Variants in KDM1B observed in about 807,000 individuals in gnomAD.
The protein encoded by KDM1B is lysine demethylase 1B.
KDM1B carries 63 observed loss-of-function variants against 107.4 expected under a neutral mutation model. The observed-to-expected ratio is 0.59, with a 90% CI of 0.48 to 0.72. KDM1B has a LOEUF of 0.72. KDM1B is among the 30% of genes least tolerant of loss of function. The pLI is 0.00. For missense variants in KDM1B, 749 were observed against 1,020.8 expected (o/e 0.73, Z 3.63); for synonymous variants, 363 against 363.9 (o/e 1.00, Z 0.03).
rs942470 is a variant in KDM1B, at chr6:18,166,045, A to G, written c.306-222A>G. On this transcript the variant is annotated intron_variant, in intron 5 of 21. Transcript: ENST00000650836. Reference sequence around the variant, plus strand: ...AGAAAAAAATTTAATTTCTCTTTCAAATAACACTATGCCTTTCTTAGTTTT... The same window carrying G: ...AGAAAAAAATTTAATTTCTCTTTCAGATAACACTATGCCTTTCTTAGTTTT... Among the ~76,000 whole-genome samples, 50,152 of 151,956 alleles carry G rather than the reference A, an allele frequency of 0.33. 8,478 individuals are homozygous for G. The highest frequency in any genetic ancestry group is 0.52 in the East Asian group (2,696 of 5,158).
At chr6:18,168,938 C>A (rs999557945) in intron 6 of KDM1B, among the ~76,000 whole-genome samples, 1 of 152,060 alleles carries the variant, frequency 6.6e-6, no homozygotes, top group African/African-American at 2.4e-5. Flanking sequence ...GTGGTGCGAT[C>A]TTGGCTCGCT....
At chr6:18,161,781 C>T (rs1444637856) in intron 4 of KDM1B, among the ~76,000 whole-genome samples, 1 of 152,020 alleles carries the variant, frequency 6.6e-6, no homozygotes, top group African/African-American at 2.4e-5. Flanking sequence ...AACTCATGAG[C>T]TTTCTGTAGA....
rs150264355 is a variant in KDM1B at position 18,173,407 on chromosome 6, T to C, written c.534+1928T>C. 3.4e-3 allele frequency among the ~76,000 whole-genome samples: 517 copies of C among 152,350 alleles called. 4 individuals carry two copies. The highest frequency in any genetic ancestry group is 0.012 in the African/African-American group (486 of 41,592). On this transcript the variant is annotated intron_variant, in intron 7 of 21. Transcript: ENST00000650836. The stretch of plus-strand genomic sequence containing the variant: ...TTGATTTGTAGTTCTTTATGTAATC[T>C]GGATATAACCATGTATTTTGAATAT...
chr6:18,221,857 A>G (rs1486394978), intron 21 of KDM1B, 52 bp from the exon 22 acceptor site: 11 of 1,375,984 alleles, frequency 8.0e-6, no homozygotes, highest in Admixed American at 6.3e-5. Context: ...TTACCTTTTG[A>G]TATCAACTCA....
At chr6:18,207,665 T>TCGTA in intron 16 of KDM1B, 136 bp downstream of exon 16, 1 of 996,970 alleles carries the variant, frequency 1.0e-6, no homozygotes, top group Non-Finnish European at 1.5e-6. Context: ...TGTGGCTCAT[T>TCGTA]CGTAGCCTGT....
chr6:18,185,628 C>T (rs536022588), intron 7 of KDM1B, 144 bp from the exon 8 acceptor site: 2 of 751,212 alleles, frequency 2.7e-6, no homozygotes, highest in Admixed American at 2.1e-5. Context: ...GGCCTCCAGA[C>T]ACTCTGATTT....
chr6:18,200,339 T>TA lies in KDM1B; in HGVS notation c.1222-99dup. On this transcript the variant is annotated intron_variant, in intron 12 of 21. Coordinates refer to ENST00000650836, the MANE Select transcript of KDM1B (RefSeq NM_001364614.2). The surrounding 1 kb of genome is among the most constrained non-coding windows in gnomAD (Gnocchi z 4.3). ...TTAGAAATATTTGGAATTAACCAAA[T>TA]ATAGAGGCTATTTAACAGTGTCCTT... The TA allele has an allele frequency of 2.5e-6, 3 of 1,185,752 alleles. No individual in the cohort carries two copies. In the South Asian group the frequency reaches 5.1e-5, roughly 20 times the overall value. The allele number at this position is 1,185,752 out of a possible 1,614,324, so 73.5% of individuals were successfully genotyped here.
intron 6 of KDM1B, among the ~76,000 whole-genome samples, chr6:18,171,063 G>A (rs1023258582): frequency 4.6e-5 from 7 of 151,962 alleles, no homozygotes; most frequent in African/African-American, 7.3e-5. Context: ...CTCGTGATCC[G>A]CCCGCCTTGG....
At chr6:18,187,722 C>A in intron 8 of KDM1B, 70 bp from the exon 9 acceptor site, 2 of 1,036,802 alleles carry the variant, frequency 1.9e-6, no homozygotes, top group Non-Finnish European at 1.5e-6. Context: ...AACCCTCTGT[C>A]CCTGGCAGAA....
rs146855101 is a variant in KDM1B, at chr6:18,206,021, G to A, written c.1659+357G>A. ...TACTTGTTTTTGTGTATGTGTGTGTGTGTTTTGTGTGTCTAAATATTGAAT... is the reference window on the plus strand; with the variant it reads ...TACTTGTTTTTGTGTATGTGTGTGTATGTTTTGTGTGTCTAAATATTGAAT... On this transcript the variant is annotated intron_variant, in intron 15 of 21. Coordinates refer to ENST00000650836, the MANE Select transcript of KDM1B (RefSeq NM_001364614.2). 9.2e-5 allele frequency among the ~76,000 whole-genome samples: 14 copies of A among 152,146 alleles called. No individual in the cohort carries two copies. The East Asian group carries it at 2.7e-3, about 29-fold the overall frequency.
At chr6:18,208,104 C>CT in intron 16 of KDM1B, 28 bp from the exon 17 acceptor site, 6 of 1,580,070 alleles carry the variant, frequency 3.8e-6, no homozygotes, top group Non-Finnish European at 4.3e-6. Flanking sequence ...CCATCCCTCA[C>CT]TTTTTTTCAT....
chr6:18,184,832 C>T (rs9477655), intron 7 of KDM1B, among the ~76,000 whole-genome samples: 13,172 of 144,902 alleles, frequency 0.091, 1,824 homozygotes, highest in African/African-American at 0.3. Context: ...ACCTCCTGGG[C>T]TCAATCAGTC....
chr6:18,166,683 CA>C (rs1001603666), intron 6 of KDM1B, among the ~76,000 whole-genome samples: 1 of 150,532 alleles, frequency 6.6e-6, no homozygotes, highest in Non-Finnish European at 1.5e-5. Flanking sequence ...CCCATCTTTA[CA>C]AAAAAAAATT....
At position 18,205,710 on chromosome 6, in the gene KDM1B, T is replaced by G; in HGVS notation, c.1659+46T>G. The stretch of plus-strand genomic sequence containing the variant: ...AGGTGTGCTTTGAAAATACTTGGTT[T>G]AGGCCGGGCGCAGTGGCTCACGCCT... On this transcript the variant is annotated intron_variant, in intron 15 of 21. Transcript: ENST00000650836. This position sits in a 1 kb window ranked among gnomAD's most constrained non-coding sequence, Gnocchi z 5.7. The G allele has an allele frequency of 6.9e-7, 1 of 1,451,898 alleles. No individual in the cohort carries two copies. Among genetic ancestry groups the G allele is most frequent in the Non-Finnish European group, 9.1e-7 (1 of 1,102,684 alleles). The allele number at this position is 1,451,898 out of a possible 1,614,324, so 89.9% of individuals were successfully genotyped here.
At position 18,213,744 on chromosome 6, in the gene KDM1B, G is replaced by A; in HGVS notation, c.2072G>A (p.Arg691Gln). The A allele has an allele frequency of 2.5e-6, 4 of 1,614,122 alleles. No homozygotes were observed. Among genetic ancestry groups the A allele is most frequent in the Non-Finnish European group, 3.4e-6 (4 of 1,179,970 alleles). ...CACGTTCCTCCCAGTGCCAGCAAGCGAGGGCTTTTTGCCGTGTTCTATGAC... is the reference window on the plus strand; with the variant it reads ...CACGTTCCTCCCAGTGCCAGCAAGCAAGGGCTTTTTGCCGTGTTCTATGAC... ...FGHVPPSASK[R>Q]GLFAVFYDMD... Residue 691 changes from arginine (R) to glutamine (Q), a missense_variant, in exon 19 of 22, where the codon CGA becomes CAA. Arg to Gln is a conservative substitution (Grantham distance 43). Transcript: ENST00000650836. The surrounding 1 kb of genome is among the most constrained non-coding windows in gnomAD (Gnocchi z 5.9).
rs374325889 is a variant in KDM1B at position 18,170,970 on chromosome 6, G to A, written c.418-393G>A. ...TGAGTAGCTGGGACTACAGGCGCCC[G>A]CCACCACGCCTGGCTAACTTTTTGT... On this transcript the variant is annotated intron_variant, in intron 6 of 21. Coordinates refer to ENST00000650836, the MANE Select transcript of KDM1B (RefSeq NM_001364614.2). Among the ~76,000 whole-genome samples the A allele has an allele frequency of 6.2e-3, 946 of 152,072 alleles. 7 individuals are homozygous for A. Among genetic ancestry groups the A allele is most frequent in the African/African-American group, 0.022 (898 of 41,494 alleles).
In KDM1B at chr6:18,214,536, T is replaced by A. The variant is rs930217380; in HGVS notation, c.2110-471T>A. ...AGCAATAGAGTGGATGGATGAATAA[T>A]GAGTGTTTGCGAGGAAAATGGACTG... On this transcript the variant is annotated intron_variant, in intron 19 of 21. Coordinates refer to ENST00000650836, the MANE Select transcript of KDM1B (RefSeq NM_001364614.2). This position sits in a 1 kb window ranked among gnomAD's most constrained non-coding sequence, Gnocchi z 4.4. Among the ~76,000 whole-genome samples the A allele has an allele frequency of 2.0e-5, 3 of 152,202 alleles. No individual in the cohort carries two copies. Among genetic ancestry groups the A allele is most frequent in the African/African-American group, 7.2e-5 (3 of 41,442 alleles).
rs214614 is a variant in KDM1B at position 18,201,075 on chromosome 6, A to C, written c.1360-411A>C. ...GTTTATTTGAAGAGTTGGTAGGCCC[A>C]AGACTTTTTCTGAAATGTTTATTGA... On this transcript the variant is annotated intron_variant, in intron 13 of 21. Transcript: ENST00000650836. This position sits in a 1 kb window ranked among gnomAD's most constrained non-coding sequence, Gnocchi z 4.3. Among the ~76,000 whole-genome samples, 1 of 152,158 alleles carries C rather than the reference A, an allele frequency of 6.6e-6. No homozygotes were observed. The highest frequency in any genetic ancestry group is 6.5e-5 in the Admixed American group (1 of 15,268).
At chr6:18,167,375 T>TA (rs1357405204) in intron 6 of KDM1B, among the ~76,000 whole-genome samples, 1 of 151,940 alleles carries the variant, frequency 6.6e-6, no homozygotes, top group Non-Finnish European at 1.5e-5. Flanking sequence ...AAAAAAAAAT[T>TA]AAATTGACCT....
Sources: gnomAD v4.1 joint callset for allele counts (sites outside exome capture counted in the v4.1 genomes callset) on GRCh38, gnomAD v4.1.1 for gene constraint, Gnocchi (gnomAD v3.1) non-coding constraint, MANE v1.5 for transcripts, NCBI Gene and HGNC (gene_info 2026-07-23, HGNC 2026-07-21) for gene names.